The following CLCF1 variants were observed in gnomAD, a reference collection of about 807,000 sequenced individuals.
CLCF1 encodes cardiotrophin-like cytokine factor 1.
A neutral mutation model predicts 21.2 loss-of-function variants in CLCF1; 10 were observed. The observed-to-expected ratio is 0.47, with a 90% CI of 0.29 to 0.80. The LOEUF (loss-of-function observed/expected upper bound fraction) is 0.80, where lower values mean the gene tolerates loss of function less well. Ranked by LOEUF, CLCF1 falls within the 30% of genes least tolerant of loss-of-function variation. CLCF1 has a pLI of 0.09. For missense variants in CLCF1, 240 were observed against 293.4 expected (o/e 0.82, Z 1.33); for synonymous variants, 115 against 120.5 (o/e 0.95, Z 0.30).
In CLCF1 at chr11:67,372,553, C is replaced by T. The variant is rs1394225184; in HGVS notation, c.16+971G>A. 1.3e-5 allele frequency among the ~76,000 whole-genome samples: 2 copies of T among 151,076 alleles called. No homozygotes were observed. The highest frequency in any genetic ancestry group is 2.4e-5 in the African/African-American group (1 of 41,198). On this transcript the variant is annotated intron_variant, in intron 1 of 2. Transcript: ENST00000312438. The surrounding 1 kb of genome is among the most constrained non-coding windows in gnomAD (Gnocchi z 5.9). ...CCCCTCCCGGCGCTGCGCCTTCCCCCTGTGTGGCCTCGGCGCCCCCGGCCC... is the reference window on the plus strand; with the variant it reads ...CCCCTCCCGGCGCTGCGCCTTCCCCTTGTGTGGCCTCGGCGCCCCCGGCCC...
At chr11:67,373,638 C>T, upstream of CLCF1, 4 of 1,266,270 alleles carry the variant, frequency 3.2e-6, no homozygotes, top group Non-Finnish European at 4.0e-6. Context: ...TAATCCCATC[C>T]GCCAGGCCCA....
Position 67,365,380 on chromosome 11 carries a change from C to T in CLCF1, c.434G>A (p.Gly145Asp), listed in dbSNP as rs766990125. 1.2e-6 allele frequency: 2 copies of T among 1,612,874 alleles called. No homozygotes were observed. The highest frequency in any genetic ancestry group is 1.7e-6 in the Non-Finnish European group (2 of 1,179,460). The change falls in exon 3 of 3, where the codon GGC (glycine) becomes GAC (aspartate). Residue 145 changes from glycine (G) to aspartate (D), a missense_variant. Transcript: ENST00000312438. This position sits in a 1 kb window ranked among gnomAD's most constrained non-coding sequence, Gnocchi z 5.0. Reference protein sequence around the residue: ...HFCTSLQGLLGSIAGVMAALG... With the variant: ...HFCTSLQGLLDSIAGVMAALG... ...AGCTGCCATGACGCCCGCAATGCTG[C>T]CCAGCAGGCCCTGGAGGCTGGTGCA...
At position 67,364,920 on chromosome 11, in the gene CLCF1, C is replaced by T; in HGVS notation, c.*216G>A. 2.9e-6 allele frequency: 2 copies of T among 686,256 alleles called. No homozygotes were observed. Among genetic ancestry groups the T allele is most frequent in the South Asian group, 1.9e-5 (1 of 51,592 alleles). 42.5% of individuals were successfully genotyped at this position (686,256 alleles called of 1,614,324 possible). ...AGCATGACTTCCTGTAGAAACAGGA[C>T]AGGACAGGGCCTACTGTACCTCCTC... On this transcript the variant is annotated 3_prime_UTR_variant, in exon 3 of 3. Coordinates refer to ENST00000312438, the MANE Select transcript of CLCF1 (RefSeq NM_013246.3).
intron 1 of CLCF1, chr11:67,368,421 C>T (rs1361255384): frequency 1.4e-5 from 14 of 985,276 alleles, no homozygotes; most frequent in East Asian, 1.1e-4. Flanking sequence ...GTGCATTTGA[C>T]GAGTCGGGCT....
chr11:67,364,960 C>A lies in CLCF1; in HGVS notation c.*176G>T, dbSNP rs551194179. On this transcript the variant is annotated 3_prime_UTR_variant, in exon 3 of 3. Transcript: ENST00000312438. The stretch of plus-strand genomic sequence containing the variant: ...TGTACCTCCTCCCCAGCTCGGTAGA[C>A]CTTTGGGAGGTGGGGAGGAGACAGG... 43 of 994,996 alleles carry A rather than the reference C, an allele frequency of 4.3e-5. No homozygotes were observed. In the African/African-American group the frequency reaches 5.8e-4, roughly 13 times the overall value. The allele number at this position is 994,996 out of a possible 1,614,324, so 61.6% of individuals were successfully genotyped here.
At chr11:67,367,659 G>A (rs770489191) in intron 1 of CLCF1, 33 bp from the exon 2 acceptor site, 26 of 1,604,484 alleles carry the variant, frequency 1.6e-5, no homozygotes, top group Admixed American at 6.7e-5. Flanking sequence ...GCATGAGCGC[G>A]GCCCGGGCCC....
chr11:67,365,330 G>A lies in CLCF1; in HGVS notation c.484C>T (p.Leu162=), dbSNP rs144403804. The change falls in exon 3 of 3, where the codon CTG becomes TTG. Residue 162 remains leucine (L), a synonymous_variant. Coordinates refer to ENST00000312438, the MANE Select transcript of CLCF1 (RefSeq NM_013246.3). The surrounding 1 kb of genome is among the most constrained non-coding windows in gnomAD (Gnocchi z 5.0). ...AALGYPLPQP[L]PGTEPTWTPG... is the part of the protein sequence containing the mutation. ...GTCCAAGTGGGTTCAGTCCCAGGCA[G>A]CGGCTGGGGCAGTGGGTAGCCCAGA... 2.5e-5 allele frequency: 41 copies of A among 1,613,584 alleles called. No individual in the cohort carries two copies. In the African/African-American group the frequency reaches 4.9e-4, roughly 19 times the overall value.
upstream of CLCF1, chr11:67,374,176 G>GT: frequency 1.0e-6 from 1 of 985,626 alleles, no homozygotes; most frequent in South Asian, 4.7e-5. Context: ...CTGGGAGCAA[G>GT]TGATGGTGTT....
chr11:67,368,321 C>T, intron 1 of CLCF1: 1 of 985,302 alleles, frequency 1.0e-6, no homozygotes, highest in African/African-American at 1.7e-5. Context: ...TGTGGAGGTT[C>T]ACCCCGTTCT....
upstream of CLCF1, chr11:67,374,014 C>G (rs1337253547): frequency 1.2e-6 from 1 of 837,820 alleles, no homozygotes; most frequent in African/African-American, 6.3e-5. Flanking sequence ...GCCCCCTGTC[C>G]CCTGCCGATG....
At chr11:67,370,874 G>C in intron 1 of CLCF1, 2 of 985,388 alleles carry the variant, frequency 2.0e-6, no homozygotes, top group Non-Finnish European at 2.4e-6. Flanking sequence ...GCTACGCTAA[G>C]AACTGTAAGC....
At chr11:67,367,710 C>T in intron 1 of CLCF1, 84 bp from the exon 2 acceptor site, 2 of 1,549,470 alleles carry the variant, frequency 1.3e-6, no homozygotes, top group South Asian at 1.2e-5. Flanking sequence ...TGTCTGTCCC[C>T]ACCTTGGGCT....
rs140020543 is a variant in CLCF1 at position 67,365,423 on chromosome 11, G to A, written c.391C>T (p.Arg131Cys). The A allele has an allele frequency of 5.6e-5, 90 of 1,613,564 alleles. No individual in the cohort carries two copies. Among genetic ancestry groups the A allele is most frequent in the South Asian group, 8.8e-5 (8 of 91,064 alleles). ...NRQAATAELR[R>C]SLAHFCTSLQ... Reference sequence around the variant, plus strand: ...CTGGTGCAGAAGTGGGCCAGGCTGCGGCGCAGCTCAGCAGTGGCAGCCTGA... The same window carrying A: ...CTGGTGCAGAAGTGGGCCAGGCTGCAGCGCAGCTCAGCAGTGGCAGCCTGA... The change falls in exon 3 of 3, where the codon CGC becomes TGC. Residue 131 changes from arginine to cysteine, a missense_variant. Coordinates refer to ENST00000312438, the MANE Select transcript of CLCF1 (RefSeq NM_013246.3). This position sits in a 1 kb window ranked among gnomAD's most constrained non-coding sequence, Gnocchi z 5.0.
chr11:67,367,799 A>C (rs1182089309), intron 1 of CLCF1, 173 bp from the exon 2 acceptor site: 1 of 985,296 alleles, frequency 1.0e-6, no homozygotes, highest in African/African-American at 1.7e-5. Context: ...AAGACGGGAG[A>C]GAAAGAGAGG....
At chr11:67,369,162 A>G in intron 1 of CLCF1, 1 of 985,342 alleles carries the variant, frequency 1.0e-6, no homozygotes, top group Non-Finnish European at 1.2e-6. Context: ...GCAAGACTCC[A>G]TTTGTATAAA....
Position 67,372,943 on chromosome 11 carries a change from G to GCGGCGCGGCT in CLCF1, c.16+571_16+580dup, listed in dbSNP as rs1431270017. Among the ~76,000 whole-genome samples the GCGGCGCGGCT allele has an allele frequency of 1.3e-5, 2 of 150,006 alleles. No homozygotes were observed. The highest frequency in any genetic ancestry group is 4.9e-5 in the African/African-American group (2 of 40,930). ...GCGTAGCTAGGAAGCCGCGAGTCCC[G>GCGGCGCGGCT]CGGCGCGGCTCGGCCCGTCCGGCCC... On this transcript the variant is annotated intron_variant, in intron 1 of 2. Transcript: ENST00000312438. The surrounding 1 kb of genome is among the most constrained non-coding windows in gnomAD (Gnocchi z 5.9).
chr11:67,370,822 T>A (rs1225370372), intron 1 of CLCF1: 1 of 985,246 alleles, frequency 1.0e-6, no homozygotes, highest in African/African-American at 1.7e-5. Context: ...CTTAGGGTGG[T>A]AGGACAAGTC....
intron 1 of CLCF1, 81 bp downstream of exon 1, chr11:67,373,442 CG>C: frequency 1.3e-5 from 10 of 762,950 alleles, no homozygotes; most frequent in South Asian, 4.2e-5. Flanking sequence ...GCGGGGCTCC[CG>C]GGGGTCAGGG....
Position 67,364,930 on chromosome 11 carries a change from C to A in CLCF1, c.*206G>T. Reference sequence around the variant, plus strand: ...CCTGTAGAAACAGGACAGGACAGGGCCTACTGTACCTCCTCCCCAGCTCGG... The same window carrying A: ...CCTGTAGAAACAGGACAGGACAGGGACTACTGTACCTCCTCCCCAGCTCGG... On this transcript the variant is annotated 3_prime_UTR_variant, in exon 3 of 3. Transcript: ENST00000312438. 1 of 724,046 alleles carries A rather than the reference C, an allele frequency of 1.4e-6. No homozygotes were observed. The highest frequency in any genetic ancestry group is 2.2e-6 in the Non-Finnish European group (1 of 449,072). 44.9% of individuals were successfully genotyped at this position (724,046 alleles called of 1,614,324 possible). A position where few individuals can be genotyped will look rare whatever the true frequency, so the allele number is the denominator to read the frequency against.
Sources: gnomAD v4.1 joint callset for allele counts (sites outside exome capture counted in the v4.1 genomes callset) on GRCh38, gnomAD v4.1.1 for gene constraint, Gnocchi (gnomAD v3.1) non-coding constraint, MANE v1.5 for transcripts, NCBI Gene and HGNC (gene_info 2026-07-23, HGNC 2026-07-21) for gene names.